Variants in PRKX observed in about 807,000 individuals in gnomAD.
PRKX encodes the protein cAMP-dependent protein kinase catalytic subunit PRKX.
PRKX carries 12 observed loss-of-function variants against 22.0 expected under a neutral mutation model. The ratio of observed to expected loss-of-function variants is 0.54; its 90% confidence interval spans 0.35 to 0.88. PRKX has a LOEUF of 0.88. Ranked by LOEUF, PRKX falls within the 40% of genes least tolerant of loss-of-function variation. The pLI is 0.01. For missense variants in PRKX, 217 were observed against 308.0 expected (o/e 0.70, Z 2.21); for synonymous variants, 134 against 137.7 (o/e 0.97, Z 0.19).
At chrX:3,672,984 C>T (rs1927877880) in intron 2 of PRKX, among the ~76,000 whole-genome samples, 1 of 111,233 alleles carries the variant, frequency 9.0e-6, no homozygotes, top group South Asian at 3.8e-4. Context: ...GAGTGAGACC[C>T]TGTCAAGAAA....
intron 4 of PRKX, among the ~76,000 whole-genome samples, chrX:3,630,370 C>G (rs1257049699): frequency 2.7e-5 from 3 of 110,833 alleles, no homozygotes; most frequent in African/African-American, 9.8e-5. Context: ...ACCATCCTGG[C>G]TAACACAGTG....
intron 3 of PRKX, among the ~76,000 whole-genome samples, chrX:3,645,052 T>C (rs1287554014): frequency 8.9e-6 from 1 of 111,745 alleles, no homozygotes; most frequent in Admixed American, 9.5e-5. Context: ...CCTAGCTGAA[T>C]GTACAGAGAG....
At chrX:3,690,256 C>T (rs915939129) in intron 1 of PRKX, among the ~76,000 whole-genome samples, 1 of 111,660 alleles carries the variant, frequency 9.0e-6, no homozygotes. Flanking sequence ...CCAATTCAGC[C>T]AAGCAGTGTG....
At chrX:3,688,474 A>C (rs182482026) in intron 1 of PRKX, among the ~76,000 whole-genome samples, 4 of 103,336 alleles carry the variant, frequency 3.9e-5, no homozygotes, top group Non-Finnish European at 6.1e-5. Flanking sequence ...TAACTCAAGA[A>C]GTGGGCACAG....
chrX:3,678,621 A>G (rs1928011243), intron 1 of PRKX, among the ~76,000 whole-genome samples: 2 of 112,326 alleles, frequency 1.8e-5, no homozygotes, highest in South Asian at 7.3e-4. Flanking sequence ...CAGTCCCGCC[A>G]ACGCCACAAT....
chrX:3,656,056 T>C (rs1196461399), intron 2 of PRKX, among the ~76,000 whole-genome samples: 2 of 111,611 alleles, frequency 1.8e-5, no homozygotes, highest in Admixed American at 9.5e-5. Flanking sequence ...TAGATAAATG[T>C]TGGAATATAG....
chrX:3,688,253 C>T (rs1234294969), intron 1 of PRKX, among the ~76,000 whole-genome samples: 1 of 105,623 alleles, frequency 9.5e-6, no homozygotes, highest in Non-Finnish European at 2.0e-5. Flanking sequence ...CGAGACCAGC[C>T]CAGCCAACAT....
chrX:3,698,646 T>C (rs1182540999), intron 1 of PRKX, among the ~76,000 whole-genome samples: 1 of 110,845 alleles, frequency 9.0e-6, no homozygotes, highest in East Asian at 2.8e-4. Context: ...GCATACACAG[T>C]GGTGTGATCT....
intron 1 of PRKX, among the ~76,000 whole-genome samples, chrX:3,680,965 T>A (rs1928059925): frequency 9.0e-6 from 1 of 111,555 alleles, no homozygotes; most frequent in Admixed American, 9.6e-5. Context: ...TCCCAGCTAC[T>A]GGGGAGGCTG....
In PRKX at chrX:3,689,951, T is replaced by C. The variant is rs1487886869; in HGVS notation, c.167-15185A>G. On this transcript the variant is annotated intron_variant, in intron 1 of 8. Coordinates refer to ENST00000262848, the MANE Select transcript of PRKX (RefSeq NM_005044.5). ...GAGATGGCACCACTGCACTCCAGCC[T>C]GCGTGACAGAGCAAGACTCTGTCTC... 4.5e-5 allele frequency among the ~76,000 whole-genome samples: 5 copies of C among 111,159 alleles called. 1 individual carries two copies. The highest frequency in any genetic ancestry group is 9.6e-5 in the Admixed American group (1 of 10,426).
chrX:3,634,639 C>T (rs1926851047), intron 4 of PRKX, among the ~76,000 whole-genome samples: 1 of 111,621 alleles, frequency 9.0e-6, no homozygotes, highest in African/African-American at 3.3e-5. Context: ...CTTGTGAAAG[C>T]TGGACACTAA....
chrX:3,633,405 T>A (rs1433895252), intron 4 of PRKX, among the ~76,000 whole-genome samples: 3 of 107,596 alleles, frequency 2.8e-5, no homozygotes, highest in Non-Finnish European at 5.8e-5. Context: ...TACAAAAAAA[T>A]TTTAAAAAAT....
intron 4 of PRKX, among the ~76,000 whole-genome samples, chrX:3,634,307 A>C (rs781138993): frequency 2.3e-4 from 25 of 109,544 alleles, no homozygotes; most frequent in African/African-American, 7.9e-4. Flanking sequence ...CCTCAGATGA[A>C]TCAGGGAGGC....
At position 3,699,934 on chromosome X, in the gene PRKX, T is replaced by C. The variant is rs1928523207; in HGVS notation, c.166+13154A>G. On this transcript the variant is annotated intron_variant, in intron 1 of 8. Transcript: ENST00000262848. Reference sequence around the variant, plus strand: ...CTGCCTTGTTTTCTGCACTTATTTCTGTGGCTTTTTGGGTGAAGAGGAGAC... The same window carrying C: ...CTGCCTTGTTTTCTGCACTTATTTCCGTGGCTTTTTGGGTGAAGAGGAGAC... Among the ~76,000 whole-genome samples, 3 of 111,902 alleles carry C rather than the reference T, an allele frequency of 2.7e-5. No individual in the cohort carries two copies. The Admixed American group carries it at 2.9e-4, about 11-fold the overall frequency.
At chrX:3,666,484 A>AATGTACATGTAC (rs1927733873) in intron 2 of PRKX, among the ~76,000 whole-genome samples, 2 of 111,535 alleles carry the variant, frequency 1.8e-5, no homozygotes, top group Non-Finnish European at 3.8e-5. Flanking sequence ...AAATGGTTAA[A>AATGTACATGTAC]ATGAGGCCGG....
chrX:3,618,882 G>A (rs755377728), intron 6 of PRKX, among the ~76,000 whole-genome samples: 3 of 111,729 alleles, frequency 2.7e-5, no homozygotes, highest in South Asian at 3.8e-4. Flanking sequence ...AATGGCTGTG[G>A]CATTAAAACA....
At chrX:3,688,682 G>A (rs753793770) in intron 1 of PRKX, among the ~76,000 whole-genome samples, 1 of 110,040 alleles carries the variant, frequency 9.1e-6, no homozygotes, top group African/African-American at 3.3e-5. Context: ...GGGCAACATA[G>A]CCAGACACCA....
At position 3,604,945 on chromosome X, in the gene PRKX, T is replaced by A. The variant is rs1307759807; in HGVS notation, c.*4024A>T. The A allele has an allele frequency of 3.7e-5, 4 of 108,375 alleles. No homozygotes were observed. Among genetic ancestry groups the A allele is most frequent in the Non-Finnish European group, 7.6e-5 (4 of 52,473 alleles). 8.9% of individuals were successfully genotyped at this position (108,375 alleles called of 1,213,427 possible). On this transcript the variant is annotated 3_prime_UTR_variant, in exon 9 of 9. Coordinates refer to ENST00000262848, the MANE Select transcript of PRKX (RefSeq NM_005044.5). ...GACTGTTCTGCGGGGTGCAAGGCCA[T>A]AAGGTTTGCAAAGCAAACTTGATTA...
At chrX:3,709,931 G>A (rs766661538) in intron 1 of PRKX, among the ~76,000 whole-genome samples, 44 of 109,618 alleles carry the variant, frequency 4.0e-4, no homozygotes, top group South Asian at 8.2e-4. Flanking sequence ...TCAGGTATGC[G>A]CCACCATGCC....
Sources: gnomAD v4.1 joint callset for allele counts (sites outside exome capture counted in the v4.1 genomes callset) on GRCh38, gnomAD v4.1.1 for gene constraint, MANE v1.5 for transcripts, NCBI Gene and HGNC (gene_info 2026-07-23, HGNC 2026-07-21) for gene names.